Variants in CAMK2A observed in about 807,000 individuals in gnomAD.
The protein encoded by CAMK2A is calcium/calmodulin-dependent protein kinase type II subunit alpha.
In CAMK2A, 7 loss-of-function variants were observed where a neutral mutation model predicts 79.2. The ratio of observed to expected loss-of-function variants is 0.09; its 90% confidence interval spans 0.05 to 0.17. CAMK2A has a LOEUF of 0.17. CAMK2A is among the 10% of genes least tolerant of loss of function. The pLI, the probability that CAMK2A is intolerant of heterozygous loss-of-function variation, is 1.00. For synonymous variants in CAMK2A, 242 were observed against 251.7 expected (o/e 0.96, Z 0.36); for missense variants, 214 against 646.4 (o/e 0.33, Z 7.25).
chr5:150,225,501 C>T (rs554209373), intron 17 of CAMK2A, among the ~76,000 whole-genome samples: 1 of 152,300 alleles, frequency 6.6e-6, no homozygotes, highest in Admixed American at 6.5e-5. Context: ...TGCATAGAGG[C>T]AGGCCAAGGG....
At chr5:150,264,853 G>T in intron 3 of CAMK2A, 103 bp downstream of exon 3, 1 of 831,044 alleles carries the variant, frequency 1.2e-6, no homozygotes, top group South Asian at 1.4e-5. Context: ...CCCCAGAGAA[G>T]AGAGCAGCTG....
chr5:150,273,835 G>A (rs1319884259), intron 1 of CAMK2A, among the ~76,000 whole-genome samples: 19 of 152,198 alleles, frequency 1.2e-4, no homozygotes, highest in Non-Finnish European at 5.9e-5. Context: ...ACTCAGATTA[G>A]TTTCAATCTA....
At chr5:150,287,227 C>A (rs1757460043) in intron 1 of CAMK2A, among the ~76,000 whole-genome samples, 1 of 152,224 alleles carries the variant, frequency 6.6e-6, no homozygotes. Context: ...CAAGCTTCTG[C>A]AAACTTAGGC....
chr5:150,254,032 T>G (rs375786299), intron 6 of CAMK2A, among the ~76,000 whole-genome samples: 4 of 152,338 alleles, frequency 2.6e-5, no homozygotes, highest in African/African-American at 9.6e-5. Flanking sequence ...TGTTTCCACC[T>G]CAGGGCCTTT....
At position 150,221,671 on chromosome 5, in the gene CAMK2A, CAGAG is replaced by C. The variant is rs1754314577; in HGVS notation, c.*1035_*1038del. On this transcript the variant is annotated 3_prime_UTR_variant, in exon 19 of 19. Transcript: ENST00000671881. ...TCAGCTCACCTTGGGACCGAAATGGCAGAGAGGCCCTTCTCCCCGGAGCTGAGTC... is the reference window on the plus strand; with the variant it reads ...TCAGCTCACCTTGGGACCGAAATGGCAGGCCCTTCTCCCCGGAGCTGAGTC... The C allele has an allele frequency of 2.5e-6, 1 of 395,918 alleles. No homozygotes were observed. The highest frequency in any genetic ancestry group is 4.4e-6 in the Non-Finnish European group (1 of 225,082). The allele number at this position is 395,918 out of a possible 1,614,324, so 24.5% of individuals were successfully genotyped here. A position where few individuals can be genotyped will look rare whatever the true frequency, so the allele number is the denominator to read the frequency against.
rs747837430 is a variant in CAMK2A at position 150,231,391 on chromosome 5, G to C, written c.1067-11C>G. 4.6e-6 allele frequency: 6 copies of C among 1,310,700 alleles called. No individual in the cohort carries two copies. Among genetic ancestry groups the C allele is most frequent in the East Asian group, 2.5e-5 (1 of 40,216 alleles). The allele number at this position is 1,310,700 out of a possible 1,614,324, so 81.2% of individuals were successfully genotyped here. ...TTTCCTGTTTCCGCACTGTAAGGCA[G>C]AAGGGGACACAGAAATAATAATAAT... On this transcript the variant is annotated splice_polypyrimidine_tract_variant and intron_variant, in intron 15 of 18. Coordinates refer to ENST00000671881, the MANE Select transcript of CAMK2A (RefSeq NM_015981.4).
At chr5:150,239,222 G>T (rs1755230427) in intron 14 of CAMK2A, among the ~76,000 whole-genome samples, 1 of 152,178 alleles carries the variant, frequency 6.6e-6, no homozygotes, top group African/African-American at 2.4e-5. Flanking sequence ...GGGCCACCAT[G>T]CCACCACTGG....
intron 9 of CAMK2A, among the ~76,000 whole-genome samples, chr5:150,251,097 G>C (rs988071297): frequency 1.1e-4 from 16 of 152,230 alleles, no homozygotes; most frequent in African/African-American, 3.4e-4. Flanking sequence ...GAATCAAAAG[G>C]CCTGGATTCA....
At position 150,257,628 on chromosome 5, in the gene CAMK2A, G is replaced by A; in HGVS notation, c.218-11C>T. 6 of 1,562,698 alleles carry A rather than the reference G, an allele frequency of 3.8e-6. No homozygotes were observed. The highest frequency in any genetic ancestry group is 5.2e-6 in the Non-Finnish European group (6 of 1,153,400). ...TGTCATGTAGTCGGACTGTGGGCGG[G>A]GCAAGGCAGTTGGTTACAGTGGGAC... On this transcript the variant is annotated splice_polypyrimidine_tract_variant and intron_variant, in intron 3 of 18. Coordinates refer to ENST00000671881, the MANE Select transcript of CAMK2A (RefSeq NM_015981.4).
chr5:150,255,028 C>T (rs1755994249), intron 6 of CAMK2A, among the ~76,000 whole-genome samples: 1 of 152,146 alleles, frequency 6.6e-6, no homozygotes, highest in Non-Finnish European at 1.5e-5. Context: ...ATATAGCTCC[C>T]TCCGCCTGGC....
At chr5:150,235,857 C>A (rs1755033511) in intron 15 of CAMK2A, among the ~76,000 whole-genome samples, 1 of 152,162 alleles carries the variant, frequency 6.6e-6, no homozygotes, top group African/African-American at 2.4e-5. Flanking sequence ...TGGAAATTTT[C>A]TCTGAGGCCG....
chr5:150,279,758 T>G (rs10037177), intron 1 of CAMK2A, among the ~76,000 whole-genome samples: 1,953 of 152,302 alleles, frequency 0.013, 41 homozygotes, highest in African/African-American at 0.043. Flanking sequence ...CTCCGGCACT[T>G]CGGCAGACAG....
At position 150,272,448 on chromosome 5, in the gene CAMK2A, T is replaced by TGGTAGTA. The variant is rs1472773017; in HGVS notation, c.157+616_157+617insTACTACC. On this transcript the variant is annotated intron_variant, in intron 2 of 18. Coordinates refer to ENST00000671881, the MANE Select transcript of CAMK2A (RefSeq NM_015981.4). ...TTAGCCGGGCATGGCGGTGGACGCT[T>TGGTAGTA]GTAATCCCAGCTACTCAGGAGGCTG... Among the ~76,000 whole-genome samples the TGGTAGTA allele has an allele frequency of 1.1e-4, 16 of 151,750 alleles. No individual in the cohort carries two copies. The East Asian group carries it at 3.1e-3, about 30-fold the overall frequency.
chr5:150,270,557 T>C (rs1241459487), intron 2 of CAMK2A, among the ~76,000 whole-genome samples: 1 of 152,112 alleles, frequency 6.6e-6, no homozygotes, highest in Non-Finnish European at 1.5e-5. Context: ...AGGAGATGCT[T>C]AGAGTGTGTT....
intron 2 of CAMK2A, among the ~76,000 whole-genome samples, chr5:150,270,120 G>A (rs573477070): frequency 6.6e-6 from 1 of 152,332 alleles, no homozygotes; most frequent in Admixed American, 6.5e-5. Context: ...GAGCTAGGAG[G>A]CTATACAGCA....
intron 1 of CAMK2A, among the ~76,000 whole-genome samples, chr5:150,274,328 C>T (rs776265995): frequency 6.6e-6 from 1 of 152,146 alleles, no homozygotes; most frequent in Non-Finnish European, 1.5e-5. Flanking sequence ...CATTTCCTAC[C>T]TCATTTGATT....
chr5:150,249,461 C>T (rs553142223), intron 11 of CAMK2A, among the ~76,000 whole-genome samples: 1 of 152,378 alleles, frequency 6.6e-6, no homozygotes, highest in East Asian at 1.9e-4. Flanking sequence ...CCACTCTGAA[C>T]CACTTGTGGT....
chr5:150,278,071 T>G (rs529324936), intron 1 of CAMK2A, among the ~76,000 whole-genome samples: 1 of 152,358 alleles, frequency 6.6e-6, no homozygotes, highest in East Asian at 1.9e-4. Context: ...GACGCTGAAC[T>G]TGACACATCA....
chr5:150,261,746 G>T (rs1756314254), intron 3 of CAMK2A, among the ~76,000 whole-genome samples: 1 of 152,192 alleles, frequency 6.6e-6, no homozygotes, highest in Admixed American at 6.5e-5. Context: ...TCGTCTCCCA[G>T]ATCCACCTCT....
Sources: allele counts gnomAD v4.1 joint callset (sites outside exome capture counted in the v4.1 genomes callset), GRCh38; gene constraint gnomAD v4.1.1; transcripts MANE v1.5; gene names NCBI Gene and HGNC (gene_info 2026-07-23, HGNC 2026-07-21).